Variants in NDUFV2 observed in about 807,000 individuals in gnomAD.
The protein encoded by NDUFV2 is NADH dehydrogenase [ubiquinone] flavoprotein 2, mitochondrial.
A neutral mutation model predicts 31.6 loss-of-function variants in NDUFV2; 18 were observed. That is an observed-to-expected ratio of 0.57 (90% CI 0.39 to 0.84). The LOEUF is 0.84. NDUFV2 is among the 40% of genes least tolerant of loss of function. The probability of loss-of-function intolerance (pLI) is 0.00; values close to 1 mark genes in which losing one functional copy is unlikely to be tolerated. For synonymous variants in NDUFV2, 83 were observed against 99.8 expected (o/e 0.83, Z 1.01); for missense variants, 314 against 303.6 (o/e 1.03, Z -0.26).
At chr18:9,126,558 T>C (rs915218060) in intron 6 of NDUFV2, 1 of 406,744 alleles carries the variant, frequency 2.5e-6, no homozygotes, top group African/African-American at 2.0e-5. Context: ...GTTACTTAAT[T>C]GTTGATGCCT....
chr18:9,132,578 C>G (rs2078049218), intron 7 of NDUFV2, among the ~76,000 whole-genome samples: 1 of 152,026 alleles, frequency 6.6e-6, no homozygotes, highest in South Asian at 2.1e-4. Flanking sequence ...TATCAATAGG[C>G]AACATAAAAA....
Position 9,119,394 on chromosome 18 carries a change from G to A in NDUFV2, c.183+6G>A, listed in dbSNP as rs2077917950. ...TCACACCAGAAAACTATAAGGTATG[G>A]CTAAATTAACATTATAATTAATTTA... On this transcript the variant is annotated splice_donor_region_variant and intron_variant, in intron 3 of 7. Coordinates refer to ENST00000318388, the MANE Select transcript of NDUFV2 (RefSeq NM_021074.5). The A allele has an allele frequency of 6.2e-7, 1 of 1,607,810 alleles. No homozygotes were observed. The highest frequency in any genetic ancestry group is 8.5e-7 in the Non-Finnish European group (1 of 1,174,436).
At chr18:9,124,449 T>G (rs1023285303) in intron 5 of NDUFV2, among the ~76,000 whole-genome samples, 44 of 140,810 alleles carry the variant, frequency 3.1e-4, no homozygotes, top group African/African-American at 1.1e-3. Flanking sequence ...TTAAAAAACT[T>G]TTTTTTTTTT....
chr18:9,113,781 C>T (rs894085952), intron 1 of NDUFV2, among the ~76,000 whole-genome samples: 19 of 152,166 alleles, frequency 1.2e-4, no homozygotes, highest in African/African-American at 4.3e-4. Flanking sequence ...CAATCGATCA[C>T]GACCCTCCCA....
At chr18:9,116,100 A>C (rs1367474900) in intron 1 of NDUFV2, among the ~76,000 whole-genome samples, 2 of 152,142 alleles carry the variant, frequency 1.3e-5, no homozygotes, top group East Asian at 1.9e-4. Flanking sequence ...ATCTTTACTC[A>C]TTTTTTAAGT....
At position 9,124,871 on chromosome 18, in the gene NDUFV2, T is replaced by C; in HGVS notation, c.470-3T>C. The C allele has an allele frequency of 1.2e-6, 2 of 1,610,924 alleles. No individual in the cohort carries two copies. The highest frequency in any genetic ancestry group is 2.2e-5 in the East Asian group (1 of 44,802). ...TCCTTAGAGTGTTTATTTGTATTTT[T>C]AGGAATAAAGGTTGGGGAGACTACA... On this transcript the variant is annotated splice_polypyrimidine_tract_variant and splice_region_variant and intron_variant, in intron 5 of 7. Coordinates refer to ENST00000318388, the MANE Select transcript of NDUFV2 (RefSeq NM_021074.5).
intron 7 of NDUFV2, among the ~76,000 whole-genome samples, chr18:9,132,983 T>G (rs1226593390): frequency 6.6e-6 from 1 of 152,242 alleles, no homozygotes; most frequent in Non-Finnish European, 1.5e-5. Flanking sequence ...TCTTACAGTA[T>G]ACAATGACTG....
At chr18:9,113,928 TG>T (rs1044642669) in intron 1 of NDUFV2, among the ~76,000 whole-genome samples, 2 of 152,204 alleles carry the variant, frequency 1.3e-5, no homozygotes, top group Non-Finnish European at 2.9e-5. Context: ...TGAGGGGTTT[TG>T]TCTGTGGCTT....
At chr18:9,120,018 A>G (rs2077923488) in intron 4 of NDUFV2, among the ~76,000 whole-genome samples, 1 of 152,158 alleles carries the variant, frequency 6.6e-6, no homozygotes, top group South Asian at 2.1e-4. Context: ...AAATCTGTAT[A>G]ATAGGTGATA....
At chr18:9,132,217 A>T (rs1208146747) in intron 7 of NDUFV2, 1 of 152,190 alleles carries the variant, frequency 6.6e-6, no homozygotes, top group Admixed American at 6.5e-5. Context: ...CTCAGGAAGT[A>T]CTTACGATTA....
At chr18:9,104,834 AAAC>A (rs2077833539) in intron 1 of NDUFV2, 2 of 1,221,036 alleles carry the variant, frequency 1.6e-6, no homozygotes, top group Non-Finnish European at 1.1e-6. Context: ...TGTGTAGAAA[AAAC>A]AATACTGAGA....
At chr18:9,113,651 C>A (rs974621832) in intron 1 of NDUFV2, among the ~76,000 whole-genome samples, 1 of 152,182 alleles carries the variant, frequency 6.6e-6, no homozygotes, top group African/African-American at 2.4e-5. Context: ...GGTGCCACAC[C>A]CTGGGCCTGG....
At chr18:9,104,069 T>C in intron 1 of NDUFV2, 1 of 1,394,870 alleles carries the variant, frequency 7.2e-7, no homozygotes, top group Non-Finnish European at 1.0e-6. Flanking sequence ...AATAGGGTCA[T>C]CCAATGTGGT....
intron 4 of NDUFV2, among the ~76,000 whole-genome samples, chr18:9,121,645 TTAATGA>T (rs1415664984): frequency 6.6e-6 from 1 of 152,218 alleles, no homozygotes; most frequent in Non-Finnish European, 1.5e-5. Context: ...ATAGTAAGTC[TTAATGA>T]TAATAGGTCA....
intron 1 of NDUFV2, among the ~76,000 whole-genome samples, chr18:9,112,918 AAT>A (rs77671296): frequency 0.011 from 1,633 of 152,358 alleles, 22 homozygotes; most frequent in Non-Finnish European, 0.016. Flanking sequence ...TATGATAAAA[AAT>A]ATATGTTGCA....
rs188654883 is a variant in NDUFV2, at chr18:9,121,868, G to C, written c.301-645G>C. On this transcript the variant is annotated intron_variant, in intron 4 of 7. Transcript: ENST00000318388. Reference sequence around the variant, plus strand: ...AGGGTTAGAAAGTACTAGACTATATGATTCAACTTTCAAAAGAGTATTGTG... The same window carrying C: ...AGGGTTAGAAAGTACTAGACTATATCATTCAACTTTCAAAAGAGTATTGTG... Among the ~76,000 whole-genome samples, 4 of 152,296 alleles carry C rather than the reference G, an allele frequency of 2.6e-5. No homozygotes were observed. The East Asian group carries it at 7.7e-4, about 29-fold the overall frequency.
chr18:9,125,072 T>C (rs184577101), intron 6 of NDUFV2, 89 bp downstream of exon 6: 41 of 1,368,856 alleles, frequency 3.0e-5, no homozygotes, highest in Non-Finnish European at 3.8e-5. Context: ...TAGATGTTGG[T>C]TTCTGAATTA....
chr18:9,104,231 G>T, intron 1 of NDUFV2: 1 of 1,612,690 alleles, frequency 6.2e-7, no homozygotes, highest in Non-Finnish European at 8.5e-7. Context: ...TGGAGGTAAG[G>T]TGTGTTCCCA....
chr18:9,117,938 G>T (rs1338794759), intron 2 of NDUFV2, 35 bp downstream of exon 2: 4 of 1,443,152 alleles, frequency 2.8e-6, no homozygotes, highest in South Asian at 2.3e-5. Flanking sequence ...GGAAAGAAAA[G>T]ACTTGGAAAT....
Sources: allele counts gnomAD v4.1 joint callset (sites outside exome capture counted in the v4.1 genomes callset), GRCh38; gene constraint gnomAD v4.1.1; transcripts MANE v1.5; gene names NCBI Gene and HGNC (gene_info 2026-07-23, HGNC 2026-07-21).